TRAPPC12: variants seen among roughly 807,000 people sequenced by gnomAD.
The protein encoded by TRAPPC12 is TPR repeat protein 15.
Under a neutral mutation model 69.2 loss-of-function variants are expected in TRAPPC12, and 61 were observed. The observed-to-expected ratio is 0.88, with a 90% CI of 0.72 to 1.09. The LOEUF (loss-of-function observed/expected upper bound fraction) is 1.09, where lower values mean the gene tolerates loss of function less well. Ranked by LOEUF, TRAPPC12 falls within the 50% of genes least tolerant of loss-of-function variation. The pLI, the probability that TRAPPC12 is intolerant of heterozygous loss-of-function variation, is 0.00. For synonymous variants in TRAPPC12, 469 were observed against 438.9 expected (o/e 1.07, Z -0.86); for missense variants, 1,101 against 1,016.4 (o/e 1.08, Z -1.13).
chr2:3,394,642 G>A (rs1335437857), intron 2 of TRAPPC12, among the ~76,000 whole-genome samples: 1 of 151,896 alleles, frequency 6.6e-6, no homozygotes, highest in Non-Finnish European at 1.5e-5. Flanking sequence ...AAAAAGGGGG[G>A]GGAGATCAGA....
At chr2:3,417,638 A>G (rs77115278) in intron 3 of TRAPPC12, among the ~76,000 whole-genome samples, 2,655 of 152,244 alleles carry the variant, frequency 0.017, 116 homozygotes, top group East Asian at 0.17. Context: ...GCAGTCAGTA[A>G]ATGGCCACTG....
At chr2:3,435,816 G>A (rs987089225) in intron 5 of TRAPPC12, among the ~76,000 whole-genome samples, 4 of 152,198 alleles carry the variant, frequency 2.6e-5, no homozygotes, top group Admixed American at 6.5e-5. Flanking sequence ...ACATTTTCCT[G>A]TGTGATATGT....
At chr2:3,415,926 C>T (rs1662359402) in intron 3 of TRAPPC12, among the ~76,000 whole-genome samples, 1 of 151,818 alleles carries the variant, frequency 6.6e-6, no homozygotes, top group African/African-American at 2.4e-5. Flanking sequence ...CCGTGTTAGC[C>T]AGGATGGTCT....
chr2:3,416,358 G>A (rs558396022), intron 3 of TRAPPC12, among the ~76,000 whole-genome samples: 16 of 152,204 alleles, frequency 1.1e-4, no homozygotes, highest in African/African-American at 3.1e-4. Flanking sequence ...TTCCTTCCCC[G>A]AAACATCAGG....
intron 2 of TRAPPC12, among the ~76,000 whole-genome samples, chr2:3,397,914 G>A (rs1358619690): frequency 6.6e-6 from 1 of 152,076 alleles, no homozygotes; most frequent in Admixed American, 6.5e-5. Context: ...CCTGCAATGT[G>A]GTCCAAAAAG....
intron 2 of TRAPPC12, among the ~76,000 whole-genome samples, chr2:3,389,217 C>T (rs369392653): frequency 6.6e-6 from 1 of 152,240 alleles, no homozygotes; most frequent in Non-Finnish European, 1.5e-5. Context: ...AGCTGGAGAC[C>T]TCCGTGGTCG....
intron 2 of TRAPPC12, among the ~76,000 whole-genome samples, chr2:3,396,734 T>G (rs1174352594): frequency 6.6e-6 from 1 of 152,256 alleles, no homozygotes; most frequent in Non-Finnish European, 1.5e-5. Context: ...GCTAATCCTA[T>G]TCAGTGACTT....
chr2:3,389,996 A>G (rs1442673006), intron 2 of TRAPPC12, among the ~76,000 whole-genome samples: 1 of 152,204 alleles, frequency 6.6e-6, no homozygotes, highest in African/African-American at 2.4e-5. Context: ...ACGACAGTGG[A>G]AAAAACCAGT....
intron 2 of TRAPPC12, among the ~76,000 whole-genome samples, chr2:3,396,176 A>G (rs1183729886): frequency 6.6e-6 from 1 of 151,954 alleles, no homozygotes; most frequent in African/African-American, 2.4e-5. Flanking sequence ...CATCTTCGTT[A>G]TTAAAGTTTA....
chr2:3,475,502 T>TTTTTTGAGA, intron 9 of TRAPPC12, among the ~76,000 whole-genome samples: 1 of 151,316 alleles, frequency 6.6e-6, no homozygotes, highest in African/African-American at 2.4e-5. Context: ...TTTAATTTTT[T>TTTTTTGAGA]CAGTTGCTCC....
chr2:3,385,550 A>C (rs550336101), intron 1 of TRAPPC12, among the ~76,000 whole-genome samples: 1 of 152,204 alleles, frequency 6.6e-6, no homozygotes, highest in Non-Finnish European at 1.5e-5. Flanking sequence ...CCTAAATCTT[A>C]CAGGTTTAAA....
chr2:3,449,663 G>A (rs1439623902), intron 6 of TRAPPC12, among the ~76,000 whole-genome samples: 1 of 152,150 alleles, frequency 6.6e-6, no homozygotes, highest in African/African-American at 2.4e-5. Flanking sequence ...TATTTGTTAA[G>A]CAAAGTTAGA....
At chr2:3,393,667 G>A (rs1257499309) in intron 2 of TRAPPC12, among the ~76,000 whole-genome samples, 1 of 145,398 alleles carries the variant, frequency 6.9e-6, no homozygotes, top group African/African-American at 2.6e-5. Context: ...TTAAAAATAT[G>A]CCTTTTCTAT....
chr2:3,444,700 G>C (rs1294108711), intron 6 of TRAPPC12, among the ~76,000 whole-genome samples: 2 of 152,336 alleles, frequency 1.3e-5, no homozygotes, highest in Non-Finnish European at 2.9e-5. Flanking sequence ...CTTCCTAACT[G>C]TTGTGGTAGA....
At chr2:3,386,380 CTT>C (rs1310585300) in intron 1 of TRAPPC12, among the ~76,000 whole-genome samples, 1 of 152,168 alleles carries the variant, frequency 6.6e-6, no homozygotes, top group East Asian at 1.9e-4. Flanking sequence ...AGTTTGAGCT[CTT>C]TGTCTCATTC....
At chr2:3,392,687 A>C (rs972983387) in intron 2 of TRAPPC12, among the ~76,000 whole-genome samples, 1 of 152,266 alleles carries the variant, frequency 6.6e-6, no homozygotes, top group African/African-American at 2.4e-5. Context: ...TGGAGACAGC[A>C]AGAGTTGGTG....
chr2:3,432,320 G>A (rs34812082), intron 5 of TRAPPC12, among the ~76,000 whole-genome samples: 81 of 152,272 alleles, frequency 5.3e-4, no homozygotes, highest in Non-Finnish European at 8.5e-4. Flanking sequence ...ATCGGATGCC[G>A]AATCTCTCTA....
Position 3,401,820 on chromosome 2 carries a change from A to G in TRAPPC12, c.1091A>G (p.Lys364Arg). 5 of 1,600,946 alleles carry G rather than the reference A, an allele frequency of 3.1e-6. No homozygotes were observed. Among genetic ancestry groups the G allele is most frequent in the Non-Finnish European group, 4.3e-6 (5 of 1,175,306 alleles). ...TTGATGCTTCGCTTTCTGGGTGAAA[A>G]AGCTGCAGCAAAGAGACAAGTCCTA... ...KDLMLRFLGE[K>R]AAAKRQVLNA... The change falls in exon 3 of 12, where the codon AAA becomes AGA. Residue 364 changes from lysine to arginine, a missense_variant. Lys to Arg is a conservative substitution (Grantham distance 26). Coordinates refer to ENST00000324266, the MANE Select transcript of TRAPPC12 (RefSeq NM_016030.6).
chr2:3,460,246 C>T lies in TRAPPC12; in HGVS notation c.1604-17C>T. 2 of 873,152 alleles carry T rather than the reference C, an allele frequency of 2.3e-6. No individual in the cohort carries two copies. Among genetic ancestry groups the T allele is most frequent in the Middle Eastern group, 4.3e-4 (2 of 4,610 alleles). 54.1% of individuals were successfully genotyped at this position (873,152 alleles called of 1,614,324 possible). On this transcript the variant is annotated splice_polypyrimidine_tract_variant and intron_variant, in intron 7 of 11. Transcript: ENST00000324266. Reference sequence around the variant, plus strand: ...TCGAATTTATTTGTGCACTTACAGGCTGCTCTTACCTTGTAGCCTCTATCC... The same window carrying T: ...TCGAATTTATTTGTGCACTTACAGGTTGCTCTTACCTTGTAGCCTCTATCC...
Sources: gnomAD v4.1 joint callset for allele counts (sites outside exome capture counted in the v4.1 genomes callset) on GRCh38, gnomAD v4.1.1 for gene constraint, MANE v1.5 for transcripts, NCBI Gene and HGNC (gene_info 2026-07-23, HGNC 2026-07-21) for gene names.